Variants in WDR7 observed in about 807,000 individuals in gnomAD.
The protein encoded by WDR7 is WD repeat domain 7, also known as WD repeat-containing protein 7.
In WDR7, 46 loss-of-function variants were observed where a neutral mutation model predicts 169.4. The ratio of observed to expected loss-of-function variants is 0.27; its 90% CI spans 0.21 to 0.35. The LOEUF is 0.35. WDR7 is among the 10% of genes least tolerant of loss of function. WDR7 has a pLI of 1.00. For missense variants in WDR7, 1,534 were observed against 1,859.3 expected (o/e 0.83, Z 3.22); for synonymous variants, 612 against 666.8 (o/e 0.92, Z 1.27).
chr18:56,712,560 ATTG>A (rs1241729457), intron 12 of WDR7, among the ~76,000 whole-genome samples: 3 of 152,116 alleles, frequency 2.0e-5, no homozygotes, highest in African/African-American at 7.2e-5. Flanking sequence ...TATTCTGTTG[ATTG>A]TTGTTAGCCT....
intron 16 of WDR7, among the ~76,000 whole-genome samples, chr18:56,768,779 A>G (rs1310161231): frequency 6.6e-6 from 1 of 152,224 alleles, no homozygotes; most frequent in African/African-American, 2.4e-5. Context: ...TATTGCAAAC[A>G]TGAATATGCG....
At chr18:56,899,644 C>T (rs186368160) in intron 21 of WDR7, among the ~76,000 whole-genome samples, 126 of 151,940 alleles carry the variant, frequency 8.3e-4, no homozygotes, top group Non-Finnish European at 1.7e-3. Context: ...GGAAAGCTAC[C>T]CATGGGAATT....
At chr18:57,003,241 A>G (rs1048495388) in intron 26 of WDR7, among the ~76,000 whole-genome samples, 2 of 152,146 alleles carry the variant, frequency 1.3e-5, no homozygotes, top group East Asian at 3.8e-4. Context: ...TTTAAAATTC[A>G]TAAAGAACTT....
intron 20 of WDR7, among the ~76,000 whole-genome samples, chr18:56,837,756 G>T (rs543682835): frequency 6.6e-6 from 1 of 152,088 alleles, no homozygotes; most frequent in African/African-American, 2.4e-5. Flanking sequence ...TGCCTCCTGG[G>T]TGCAAGCTAT....
intron 21 of WDR7, among the ~76,000 whole-genome samples, chr18:56,907,478 C>T (rs1428636409): frequency 6.6e-6 from 1 of 152,104 alleles, no homozygotes; most frequent in Non-Finnish European, 1.5e-5. Context: ...TGGAGTAAAC[C>T]ATAATAACCT....
At chr18:56,850,251 TA>T (rs560083144) in intron 20 of WDR7, among the ~76,000 whole-genome samples, 271 of 152,290 alleles carry the variant, frequency 1.8e-3, no homozygotes, top group African/African-American at 6.1e-3. Flanking sequence ...AGTCTAAAAT[TA>T]TTTTTTTTAT....
chr18:56,758,595 G>C (rs1190135478), intron 15 of WDR7, among the ~76,000 whole-genome samples: 2 of 152,154 alleles, frequency 1.3e-5, no homozygotes, highest in East Asian at 3.8e-4. Context: ...AGAACAAAGG[G>C]TTAAGTATGA....
At chr18:56,852,033 C>T (rs1335721243) in intron 20 of WDR7, among the ~76,000 whole-genome samples, 1 of 152,148 alleles carries the variant, frequency 6.6e-6, no homozygotes, top group African/African-American at 2.4e-5. Context: ...CAGCCTCTGA[C>T]CTTCTCTGCT....
chr18:56,701,515 T>G (rs1319859293), intron 12 of WDR7, among the ~76,000 whole-genome samples: 2 of 152,218 alleles, frequency 1.3e-5, no homozygotes, highest in African/African-American at 4.8e-5. Flanking sequence ...AATGAGTGGT[T>G]TTCTCATGAT....
At chr18:56,947,625 G>C (rs867333668) in intron 25 of WDR7, among the ~76,000 whole-genome samples, 7 of 152,168 alleles carry the variant, frequency 4.6e-5, no homozygotes, top group African/African-American at 1.7e-4. Context: ...CAATCAACAC[G>C]GAGTGTGCCA....
At chr18:56,939,485 A>T in intron 25 of WDR7, 92 bp downstream of exon 25, 1 of 773,704 alleles carries the variant, frequency 1.3e-6, no homozygotes, top group Admixed American at 3.4e-5. Context: ...GTCTTGGTCA[A>T]TTAGAAATCC....
chr18:56,848,196 A>G (rs530944567), intron 20 of WDR7, among the ~76,000 whole-genome samples: 1 of 152,312 alleles, frequency 6.6e-6, no homozygotes, highest in Non-Finnish European at 1.5e-5. Flanking sequence ...CATGGAGTCA[A>G]ATATTATTCT....
intron 21 of WDR7, among the ~76,000 whole-genome samples, chr18:56,919,731 T>C: frequency 6.6e-6 from 1 of 152,164 alleles, no homozygotes; most frequent in East Asian, 1.9e-4. Context: ...TGTTATCTCA[T>C]AGAACATAGA....
intron 26 of WDR7, among the ~76,000 whole-genome samples, chr18:56,993,959 G>A (rs1228967001): frequency 2.0e-5 from 3 of 151,446 alleles, no homozygotes; most frequent in Admixed American, 2.0e-4. Flanking sequence ...AATGGAACAA[G>A]TGTCATCGCT....
Position 56,781,888 on chromosome 18 carries a change from G to A in WDR7, c.3190+232G>A, listed in dbSNP as rs151090306. 1.7e-3 allele frequency: 568 copies of A among 337,378 alleles called. 1 individual carries two copies. Among genetic ancestry groups the A allele is most frequent in the Non-Finnish European group, 2.5e-3 (491 of 195,188 alleles). The allele number at this position is 337,378 out of a possible 1,614,324, so 20.9% of individuals were successfully genotyped here. A position where few individuals can be genotyped will look rare whatever the true frequency, so the allele number is the denominator to read the frequency against. On this transcript the variant is annotated intron_variant, in intron 19 of 27. Transcript: ENST00000254442. ...ATATCAAAATATTCATTAATGAACT[G>A]ACTTTTATAAATGAATTCCCCATCA...
chr18:56,772,902 A>G lies in WDR7; in HGVS notation c.2849-3880A>G, dbSNP rs187190453. ...ATTAGCATATTATTTAATGATATAG[A>G]AGTAAATGCTGTAAGAAACAGTTAA... On this transcript the variant is annotated intron_variant, in intron 16 of 27. Transcript: ENST00000254442. Among the ~76,000 whole-genome samples the G allele has an allele frequency of 1.0e-3, 156 of 152,206 alleles. 1 individual carries two copies. Among genetic ancestry groups the G allele is most frequent in the Middle Eastern group, 6.8e-3 (2 of 294 alleles).
chr18:56,934,591 A>G (rs2046932798), intron 22 of WDR7, among the ~76,000 whole-genome samples: 2 of 152,126 alleles, frequency 1.3e-5, no homozygotes, highest in Admixed American at 1.3e-4. Flanking sequence ...CAGTTATACT[A>G]TCAGTCAGAG....
intron 17 of WDR7, among the ~76,000 whole-genome samples, 197 bp from the exon 18 acceptor site, chr18:56,779,234 A>G (rs1338706497): frequency 6.6e-6 from 1 of 152,186 alleles, no homozygotes; most frequent in African/African-American, 2.4e-5. Flanking sequence ...TCTTATAGGC[A>G]CCAATTACAT....
intron 12 of WDR7, among the ~76,000 whole-genome samples, chr18:56,713,677 A>C (rs974301991): frequency 2.0e-5 from 3 of 152,174 alleles, no homozygotes; most frequent in Non-Finnish European, 4.4e-5. Context: ...TTGAAATGGA[A>C]AAAGATGAAG....
Sources: gnomAD v4.1 joint callset for allele counts (sites outside exome capture counted in the v4.1 genomes callset) on GRCh38, gnomAD v4.1.1 for gene constraint, MANE v1.5 for transcripts, NCBI Gene and HGNC (gene_info 2026-07-23, HGNC 2026-07-21) for gene names.